The following GRIK3 variants were observed in gnomAD, a reference collection of about 807,000 sequenced individuals.
The protein encoded by GRIK3 is glutamate receptor ionotropic, kainate 3.
GRIK3 carries 29 observed loss-of-function variants against 102.5 expected under a neutral mutation model. The ratio of observed to expected loss-of-function variants is 0.28; its 90% CI spans 0.21 to 0.39. The LOEUF is 0.39. Among genes scored for constraint, GRIK3 ranks in the 10% least tolerant of loss-of-function variants. The pLI, the probability that GRIK3 is intolerant of heterozygous loss-of-function variation, is 1.00. For synonymous variants in GRIK3, 511 were observed against 504.9 expected, an observed-to-expected ratio of 1.01 and a Z score of -0.16; for missense variants, 908 against 1,252.4, an observed-to-expected ratio of 0.73 and a Z score of 4.15.
intron 2 of GRIK3, among the ~76,000 whole-genome samples, chr1:36,881,449 C>A (rs926002179): frequency 4.6e-5 from 7 of 152,168 alleles, no homozygotes; most frequent in Non-Finnish European, 1.0e-4. Flanking sequence ...AACAGCAGCT[C>A]CATTGTCCCT....
At chr1:36,952,446 G>A (rs1641856510) in intron 1 of GRIK3, among the ~76,000 whole-genome samples, 1 of 152,224 alleles carries the variant, frequency 6.6e-6, no homozygotes, top group Admixed American at 6.5e-5. Flanking sequence ...ATCTGGATGT[G>A]AACCTCCAGA....
intron 15 of GRIK3, 181 bp downstream of exon 15, chr1:36,804,806 A>G: frequency 1.3e-6 from 1 of 749,674 alleles, no homozygotes; most frequent in South Asian, 1.9e-5. Flanking sequence ...GGCAACGGCG[A>G]TGGAAAAAAG....
intron 1 of GRIK3, among the ~76,000 whole-genome samples, chr1:36,917,964 C>G (rs910943624): frequency 1.3e-5 from 2 of 152,160 alleles, no homozygotes; most frequent in Non-Finnish European, 2.9e-5. Flanking sequence ...TAAGGGGAGG[C>G]CAGCAGCTGC....
In GRIK3 at chr1:36,957,458, AGCCTATGTGCTCTGTGAGTCTGTGCCCCG is replaced by A. The variant is rs1570822449; in HGVS notation, c.116-66391_116-66363del. ...GTGCTCTGTGAGTCTGTGCCCTGTG[AGCCTATGTGCTCTGTGAGTCTGTGCCCCG>A]TGAGCCTGTGTGCCCCATGACTCTG... On this transcript the variant is annotated intron_variant, in intron 1 of 15. Transcript: ENST00000373091. Among the ~76,000 whole-genome samples the A allele has an allele frequency of 1.2e-3, 140 of 118,310 alleles. 4 individuals are homozygous for A. The highest frequency in any genetic ancestry group is 6.1e-3 in the Middle Eastern group (1 of 164). The allele number at this position is 118,310 out of a possible 152,430, so 77.6% of individuals were successfully genotyped here. A position where few individuals can be genotyped will look rare whatever the true frequency, so the allele number is the denominator to read the frequency against.
intron 3 of GRIK3, among the ~76,000 whole-genome samples, chr1:36,876,091 T>C (rs943480419): frequency 6.6e-5 from 10 of 152,324 alleles, no homozygotes; most frequent in East Asian, 3.9e-4. Context: ...AAAAATCTCA[T>C]TGGGCTGGTT....
intron 10 of GRIK3, among the ~76,000 whole-genome samples, chr1:36,832,098 C>T (rs375027821): frequency 1.2e-3 from 177 of 151,902 alleles, no homozygotes; most frequent in African/African-American, 2.4e-3. Flanking sequence ...CTGCTCTCAT[C>T]GCACCAGGCA....
chr1:36,894,653 T>TA (rs1449852473), intron 1 of GRIK3, among the ~76,000 whole-genome samples: 1 of 152,294 alleles, frequency 6.6e-6, no homozygotes, highest in East Asian at 1.9e-4. Flanking sequence ...AGCAGAAACC[T>TA]CCATGGGAAT....
intron 1 of GRIK3, among the ~76,000 whole-genome samples, chr1:36,947,752 C>G (rs1288320228): frequency 3.9e-5 from 6 of 152,278 alleles, no homozygotes; most frequent in African/African-American, 7.2e-5. Flanking sequence ...CTCCTGCCCC[C>G]CCATGAAGCA....
At position 36,880,777 on chromosome 1, in the gene GRIK3, C is replaced by T. The variant is rs375645657; in HGVS notation, c.407G>A (p.Arg136His). ...GTTGTCCAGCGGGTGGTGCTTCCAA[C>T]GCAGCTGGATGTGGGGCACCTCCAG... ...NALEVPHIQLRWKHHPLDNKD... is the reference protein window; with the variant it reads ...NALEVPHIQLHWKHHPLDNKD... Residue 136 changes from arginine to histidine, a missense_variant, in exon 3 of 16, where the codon CGT (arginine) becomes CAT (histidine). By Grantham distance (29) the Arg-to-His change is conservative. Around this residue, in one of 3 missense-constraint regions of GRIK3, gnomAD observed 585 missense variants for 824.9 expected, o/e 0.71. Coordinates refer to ENST00000373091, the MANE Select transcript of GRIK3 (RefSeq NM_000831.4). This position sits in a 1 kb window ranked among gnomAD's most constrained non-coding sequence, Gnocchi z 5.4. The T allele has an allele frequency of 7.1e-5, 114 of 1,614,126 alleles. No homozygotes were observed. Among genetic ancestry groups the T allele is most frequent in the Non-Finnish European group, 7.6e-5 (90 of 1,179,996 alleles).
chr1:36,829,873 C>G (rs1036868040), intron 10 of GRIK3, among the ~76,000 whole-genome samples: 7 of 152,202 alleles, frequency 4.6e-5, no homozygotes, highest in African/African-American at 1.7e-4. Flanking sequence ...CAGACTAAAA[C>G]CTGGACATCT....
chr1:36,999,664 C>G (rs775588492), intron 1 of GRIK3, among the ~76,000 whole-genome samples: 1 of 152,122 alleles, frequency 6.6e-6, no homozygotes, highest in South Asian at 2.1e-4. Flanking sequence ...ACACTGAGCC[C>G]GCTCCTACAG....
intron 1 of GRIK3, among the ~76,000 whole-genome samples, chr1:36,906,486 C>G (rs187751129): frequency 5.9e-4 from 90 of 152,262 alleles, no homozygotes; most frequent in South Asian, 1.5e-3. Context: ...ACAATGAGTG[C>G]TACTATACTA....
At chr1:36,980,929 C>T (rs988197060) in intron 1 of GRIK3, among the ~76,000 whole-genome samples, 2 of 152,152 alleles carry the variant, frequency 1.3e-5, no homozygotes, top group African/African-American at 4.8e-5. Context: ...CCTTTGCCCC[C>T]TTCCTGTCCC....
chr1:36,963,522 C>G (rs1281891485), intron 1 of GRIK3, among the ~76,000 whole-genome samples: 1 of 152,200 alleles, frequency 6.6e-6, no homozygotes, highest in Non-Finnish European at 1.5e-5. Flanking sequence ...TCCTCACAAC[C>G]ACTCTGAGCC....
At chr1:36,846,500 A>G (rs949059819) in intron 9 of GRIK3, among the ~76,000 whole-genome samples, 3 of 152,190 alleles carry the variant, frequency 2.0e-5, no homozygotes, top group Non-Finnish European at 2.9e-5. Context: ...CCTGTTCCCT[A>G]GAGGCAGAGC....
At chr1:37,029,153 A>C (rs1642794189) in intron 1 of GRIK3, among the ~76,000 whole-genome samples, 1 of 151,830 alleles carries the variant, frequency 6.6e-6, no homozygotes, top group East Asian at 1.9e-4. Context: ...CGATTCCAGG[A>C]ATCAAGCCCA....
chr1:36,912,806 T>C (rs1265612854), intron 1 of GRIK3, among the ~76,000 whole-genome samples: 1 of 152,166 alleles, frequency 6.6e-6, no homozygotes, highest in East Asian at 1.9e-4. Flanking sequence ...CTAGCACAGA[T>C]AGGATGTCAA....
At chr1:36,925,323 G>A (rs971702133) in intron 1 of GRIK3, among the ~76,000 whole-genome samples, 7 of 152,166 alleles carry the variant, frequency 4.6e-5, no homozygotes, top group African/African-American at 1.2e-4. Flanking sequence ...AGCATACTCC[G>A]TGCACATCCC....
chr1:36,864,552 G>C (rs895025211), intron 5 of GRIK3, among the ~76,000 whole-genome samples: 1 of 151,782 alleles, frequency 6.6e-6, no homozygotes, highest in Admixed American at 6.6e-5. Context: ...AGTGTGAAGG[G>C]CAGCATCTCT....
Sources: allele counts gnomAD v4.1 joint callset (sites outside exome capture counted in the v4.1 genomes callset), GRCh38; gene constraint gnomAD v4.1.1; regional missense constraint gnomAD v4.1.1; non-coding constraint Gnocchi (gnomAD v3.1); transcripts MANE v1.5; gene names NCBI Gene and HGNC (gene_info 2026-07-23, HGNC 2026-07-21).